ITSN1: variants seen among roughly 807,000 people sequenced by gnomAD.
ITSN1 encodes intersectin-1.
Under a neutral mutation model 239.8 loss-of-function variants are expected in ITSN1, and 58 were observed. The observed-to-expected ratio is 0.24, with a 90% CI of 0.20 to 0.30. The LOEUF is 0.30. Among genes scored for constraint, ITSN1 ranks in the 10% least tolerant of loss-of-function variants. ITSN1 has a pLI of 1.00. For missense variants in ITSN1, 1,558 were observed against 2,103.3 expected, an observed-to-expected ratio of 0.74 and a Z score of 5.07; for synonymous variants, 780 against 770.8, an observed-to-expected ratio of 1.01 and a Z score of -0.20.
intron 22 of ITSN1, chr21:33,817,114 C>G (rs2073330099): frequency 8.7e-7 from 1 of 1,146,918 alleles, no homozygotes; most frequent in Non-Finnish European, 1.1e-6. Context: ...TTGTTCTTGT[C>G]CATTCATATA....
chr21:33,858,905 T>C, intron 31 of ITSN1, 113 bp downstream of exon 31: 1 of 238,382 alleles, frequency 4.2e-6, no homozygotes, highest in South Asian at 9.1e-5. Flanking sequence ...TCTTTCTGGC[T>C]TTTTTTTTTT....
intron 5 of ITSN1, among the ~76,000 whole-genome samples, chr21:33,742,055 A>G (rs1411167534): frequency 6.6e-6 from 1 of 151,410 alleles, no homozygotes; most frequent in Admixed American, 6.6e-5. Flanking sequence ...CTATTTTTAA[A>G]ATCTTTTTTT....
intron 29 of ITSN1, among the ~76,000 whole-genome samples, chr21:33,854,816 C>G (rs1979009144): frequency 6.6e-6 from 1 of 152,182 alleles, no homozygotes; most frequent in African/African-American, 2.4e-5. Context: ...CCTTGCAGCC[C>G]TGGAGAATTC....
At chr21:33,765,810 C>T (rs760689150) in intron 9 of ITSN1, 65 bp from the exon 10 acceptor site, 65 of 1,555,912 alleles carry the variant, frequency 4.2e-5, no homozygotes, top group Non-Finnish European at 5.5e-5. Context: ...TTTTAAATCA[C>T]TAATGAATAG....
intron 1 of ITSN1, among the ~76,000 whole-genome samples, chr21:33,698,986 G>A (rs1267259727): frequency 6.6e-6 from 1 of 152,128 alleles, no homozygotes; most frequent in Non-Finnish European, 1.5e-5. Context: ...ATATGTGGAG[G>A]CAGTATTTGT....
intron 7 of ITSN1, 57 bp from the exon 8 acceptor site, chr21:33,755,240 T>C: frequency 1.0e-6 from 1 of 967,356 alleles, no homozygotes; most frequent in Non-Finnish European, 1.6e-6. Flanking sequence ...TTAAGGAACT[T>C]TACCAGGCTG....
At chr21:33,876,272 TTCTC>T (rs1983883423) in intron 34 of ITSN1, among the ~76,000 whole-genome samples, 1 of 85,840 alleles carries the variant, frequency 1.2e-5, no homozygotes, top group Non-Finnish European at 2.3e-5. Context: ...TCTCTTCTTT[TTCTC>T]TCTTTCTTTC....
chr21:33,756,590 A>G (rs959704358), intron 8 of ITSN1, among the ~76,000 whole-genome samples: 1 of 152,182 alleles, frequency 6.6e-6, no homozygotes, highest in Non-Finnish European at 1.5e-5. Flanking sequence ...GAGTTGGACG[A>G]GATTTTGAAG....
intron 1 of ITSN1, among the ~76,000 whole-genome samples, chr21:33,672,545 G>A (rs2090350534): frequency 6.6e-6 from 1 of 152,152 alleles, no homozygotes; most frequent in Non-Finnish European, 1.5e-5. Flanking sequence ...AAATTGATAT[G>A]AAGCAGTTAT....
At chr21:33,854,731 T>C (rs1254459009) in intron 29 of ITSN1, among the ~76,000 whole-genome samples, 1 of 152,220 alleles carries the variant, frequency 6.6e-6, no homozygotes, top group East Asian at 1.9e-4. Flanking sequence ...GGAAGAACAG[T>C]TGGGCCAAAC....
chr21:33,867,521 C>G (rs979978711), intron 33 of ITSN1, among the ~76,000 whole-genome samples, 190 bp downstream of exon 33: 2 of 151,804 alleles, frequency 1.3e-5, no homozygotes, highest in Non-Finnish European at 2.9e-5. Flanking sequence ...AAAGAGCTGG[C>G]TGGGCACGGT....
chr21:33,804,167 G>A (rs1352408953), intron 20 of ITSN1, among the ~76,000 whole-genome samples: 6 of 152,078 alleles, frequency 3.9e-5, no homozygotes, highest in Non-Finnish European at 7.4e-5. Flanking sequence ...TTCCTCAAAC[G>A]TCTTTGGGAC....
At chr21:33,820,594 CAGTAACAA>C (rs1569249155) in intron 24 of ITSN1, among the ~76,000 whole-genome samples, 18 of 152,164 alleles carry the variant, frequency 1.2e-4, no homozygotes, top group Admixed American at 2.0e-4. Context: ...TTCAGACTCA[CAGTAACAA>C]TGTTCTTTTT....
chr21:33,891,895 T>A lies in ITSN1; in HGVS notation c.*3595T>A, dbSNP rs1381956271. On this transcript the variant is annotated 3_prime_UTR_variant, in exon 40 of 40. Coordinates refer to ENST00000381318, the MANE Select transcript of ITSN1 (RefSeq NM_003024.3). ...TTTGATTGATAAGAAGAAAATGTGT[T>A]TTGTACGTGTAACAACTTTAAGAAT... is the stretch of plus-strand genomic sequence containing the variant. The A allele has an allele frequency of 1.3e-5, 2 of 152,232 alleles. No homozygotes were observed. The highest frequency in any genetic ancestry group is 2.9e-5 in the Non-Finnish European group (2 of 68,042). 9.4% of individuals were successfully genotyped at this position (152,232 alleles called of 1,614,324 possible). A position where few individuals can be genotyped will look rare whatever the true frequency, so the allele number is the denominator to read the frequency against.
At chr21:33,752,911 C>T (rs947025111) in intron 7 of ITSN1, among the ~76,000 whole-genome samples, 1 of 152,040 alleles carries the variant, frequency 6.6e-6, no homozygotes, top group Non-Finnish European at 1.5e-5. Flanking sequence ...CATTTTCCCA[C>T]TTTCAAGAGA....
chr21:33,725,334 C>G (rs1485144094), intron 4 of ITSN1, among the ~76,000 whole-genome samples: 1 of 151,680 alleles, frequency 6.6e-6, no homozygotes, highest in African/African-American at 2.4e-5. Flanking sequence ...TGGGATTTCA[C>G]CATGTTGGTC....
At chr21:33,714,764 A>T (rs2065043193) in intron 1 of ITSN1, among the ~76,000 whole-genome samples, 1 of 152,212 alleles carries the variant, frequency 6.6e-6, no homozygotes, top group Admixed American at 6.5e-5. Context: ...GTAGAAATGC[A>T]TGCATTTCCT....
At chr21:33,745,309 G>A (rs1055443202) in intron 5 of ITSN1, among the ~76,000 whole-genome samples, 14 of 152,114 alleles carry the variant, frequency 9.2e-5, no homozygotes, top group Non-Finnish European at 1.8e-4. Context: ...ACATGGCCTG[G>A]GTCTTTCAAC....
At chr21:33,779,589 G>A (rs1186989647) in intron 14 of ITSN1, among the ~76,000 whole-genome samples, 2 of 152,128 alleles carry the variant, frequency 1.3e-5, no homozygotes, top group African/African-American at 4.8e-5. Flanking sequence ...AGTCTCCTGT[G>A]TCTTGACTGA....
Sources: allele counts gnomAD v4.1 joint callset (sites outside exome capture counted in the v4.1 genomes callset), GRCh38; gene constraint gnomAD v4.1.1; transcripts MANE v1.5; gene names NCBI Gene and HGNC (gene_info 2026-07-23, HGNC 2026-07-21).